The following PGCKA1 variants were observed in gnomAD, a reference collection of about 807,000 sequenced individuals.
PGCKA1 encodes the protein PDCD10 and GCKIII kinases associated 1, also known as PDCD10 and GCKIII kinases-associated protein 1.
At chr4:37,549,724 T>C in the PGCKA1 span, among the ~76,000 whole-genome samples, 1 of 152,206 alleles carries the variant, frequency 6.6e-6, no homozygotes, top group African/African-American at 2.4e-5. Flanking sequence ...TTAGAGGTGT[T>C]GGACTCAGTT....
At chr4:37,521,860 GA>G in the PGCKA1 span, among the ~76,000 whole-genome samples, 64 of 152,302 alleles carry the variant, frequency 4.2e-4, no homozygotes, top group African/African-American at 1.4e-3. Context: ...TGTAGATCTG[GA>G]TACCCCAGTG....
chr4:37,513,105 A>C, the PGCKA1 span, among the ~76,000 whole-genome samples: 1 of 44,224 alleles, frequency 2.3e-5, no homozygotes, highest in Non-Finnish European at 5.2e-5. Flanking sequence ...AAAAAAAGAA[A>C]GAAAGAAAGA....
chr4:37,574,634 A>G, the PGCKA1 span, among the ~76,000 whole-genome samples: 2 of 152,222 alleles, frequency 1.3e-5, no homozygotes, highest in Non-Finnish European at 2.9e-5. Flanking sequence ...TTATTTTTAA[A>G]TGTACAATTA....
the PGCKA1 span, chr4:37,590,833 C>A: frequency 3.7e-6 from 6 of 1,614,172 alleles, no homozygotes; most frequent in East Asian, 4.5e-5. Flanking sequence ...TGAGAAGGGT[C>A]CTGTTCATGC....
At chr4:37,503,287 A>G in the PGCKA1 span, among the ~76,000 whole-genome samples, 1 of 152,130 alleles carries the variant, frequency 6.6e-6, no homozygotes, top group East Asian at 1.9e-4. Context: ...CCCTGGGCAG[A>G]ACTCTCAGCT....
At chr4:37,555,243 A>T in the PGCKA1 span, among the ~76,000 whole-genome samples, 2 of 152,166 alleles carry the variant, frequency 1.3e-5, no homozygotes, top group South Asian at 2.1e-4. Context: ...TCATACTCTC[A>T]GTGCTTAGCA....
chr4:37,498,290 C>T, the PGCKA1 span, among the ~76,000 whole-genome samples: 1 of 152,150 alleles, frequency 6.6e-6, no homozygotes, highest in South Asian at 2.1e-4. Context: ...ATACCAGTAC[C>T]ATGCTGTTTT....
chr4:37,515,474 C>T, the PGCKA1 span, among the ~76,000 whole-genome samples: 2 of 152,206 alleles, frequency 1.3e-5, no homozygotes, highest in African/African-American at 4.8e-5. Flanking sequence ...AAGAAGAATA[C>T]ATTGAATGGG....
At chr4:37,581,854 A>G in the PGCKA1 span, among the ~76,000 whole-genome samples, 1 of 152,096 alleles carries the variant, frequency 6.6e-6, no homozygotes. This position sits in a 1 kb window ranked among gnomAD's most constrained non-coding sequence, Gnocchi z 4.4. Context: ...CTACCCTTCA[A>G]GTGTATTAGG....
At chr4:37,484,220 G>T in the PGCKA1 span, among the ~76,000 whole-genome samples, 1 of 152,124 alleles carries the variant, frequency 6.6e-6, no homozygotes. Context: ...AGAAAAAGAG[G>T]TTTAATGGAC....
chr4:37,484,889 A>G, the PGCKA1 span, among the ~76,000 whole-genome samples: 1 of 152,240 alleles, frequency 6.6e-6, no homozygotes, highest in African/African-American at 2.4e-5. Flanking sequence ...TGTCTTGTTC[A>G]TCAGCCACCC....
chr4:37,544,644 GT>G, the PGCKA1 span, among the ~76,000 whole-genome samples: 3 of 149,112 alleles, frequency 2.0e-5, no homozygotes, highest in Admixed American at 6.7e-5. Flanking sequence ...TCAAGGAGCT[GT>G]TTTTTTTGTT....
chr4:37,578,191 C>A, the PGCKA1 span, among the ~76,000 whole-genome samples: 1 of 152,136 alleles, frequency 6.6e-6, no homozygotes, highest in Non-Finnish European at 1.5e-5. Context: ...CCCTCTCTTT[C>A]GCTCCAGTAA....
At chr4:37,499,676 T>G in the PGCKA1 span, among the ~76,000 whole-genome samples, 1 of 152,134 alleles carries the variant, frequency 6.6e-6, no homozygotes, top group Non-Finnish European at 1.5e-5. Context: ...TATGTATATT[T>G]GTGTCTTCTC....
At chr4:37,544,652 T>A in the PGCKA1 span, among the ~76,000 whole-genome samples, 1 of 152,132 alleles carries the variant, frequency 6.6e-6, no homozygotes, top group African/African-American at 2.4e-5. Flanking sequence ...CTGTTTTTTT[T>A]GTTCTCTGAT....
chr4:37,474,516 G>GC, the PGCKA1 span, among the ~76,000 whole-genome samples: 1 of 152,070 alleles, frequency 6.6e-6, no homozygotes, highest in East Asian at 1.9e-4. Flanking sequence ...TAAATATGAA[G>GC]CCCAAATAAA....
chr4:37,474,765 G>A, the PGCKA1 span, among the ~76,000 whole-genome samples: 12 of 152,150 alleles, frequency 7.9e-5, no homozygotes, highest in Non-Finnish European at 1.2e-4. Context: ...GGTACTTAGC[G>A]AAGGTCTGTG....
the PGCKA1 span, among the ~76,000 whole-genome samples, chr4:37,469,538 T>C: frequency 6.6e-6 from 1 of 152,018 alleles, no homozygotes; most frequent in African/African-American, 2.4e-5. Context: ...AATCAGAAAA[T>C]TACAAGACAA....
chr4:37,551,838 G>C, the PGCKA1 span, among the ~76,000 whole-genome samples: 3 of 152,176 alleles, frequency 2.0e-5, no homozygotes, highest in African/African-American at 7.2e-5. Flanking sequence ...ATGATAAAAA[G>C]CTTCATCGCT....
Sources: allele counts gnomAD v4.1 joint callset (sites outside exome capture counted in the v4.1 genomes callset), GRCh38; gene constraint gnomAD v4.1.1; non-coding constraint Gnocchi (gnomAD v3.1); transcripts MANE v1.5; gene names NCBI Gene and HGNC (gene_info 2026-07-23, HGNC 2026-07-21).